The following CLVS1 variants were observed in gnomAD, a reference collection of about 807,000 sequenced individuals.
The protein encoded by CLVS1 is clavesin-1.
In CLVS1, 10 loss-of-function variants were observed where a neutral mutation model predicts 33.1. The observed-to-expected ratio is 0.30, with a 90% CI of 0.19 to 0.51. The LOEUF is 0.51. Among genes scored for constraint, CLVS1 ranks in the 20% least tolerant of loss-of-function variants. CLVS1 has a pLI of 0.97. For missense variants in CLVS1, 343 were observed against 433.4 expected (o/e 0.79, Z 1.85); for synonymous variants, 163 against 166.1 (o/e 0.98, Z 0.14).
At chr8:61,358,984 T>C (rs1182010093) in intron 2 of CLVS1, among the ~76,000 whole-genome samples, 1 of 152,258 alleles carries the variant, frequency 6.6e-6, no homozygotes, top group Non-Finnish European at 1.5e-5. Flanking sequence ...TAATTTAAAG[T>C]TTAATCCATT....
At chr8:61,185,306 T>G (rs1388123575) in intron 2 of CLVS1, among the ~76,000 whole-genome samples, 1 of 78,062 alleles carries the variant, frequency 1.3e-5, no homozygotes, top group Non-Finnish European at 3.2e-5. Flanking sequence ...CATGCCCGGC[T>G]AATTTTTTTT....
chr8:61,383,667 A>G (rs1813972811), intron 3 of CLVS1, among the ~76,000 whole-genome samples: 1 of 152,220 alleles, frequency 6.6e-6, no homozygotes, highest in African/African-American at 2.4e-5. Flanking sequence ...GTATCAATTA[A>G]ACTCAGGAAG....
intron 5 of CLVS1, chr8:61,464,793 T>A (rs939330995): frequency 1.3e-5 from 2 of 152,270 alleles, no homozygotes; most frequent in Admixed American, 6.5e-5. Flanking sequence ...CTTGAACGCT[T>A]GTCCGGAGAT....
At chr8:61,449,490 G>A (rs2129606821) in intron 3 of CLVS1, among the ~76,000 whole-genome samples, 1 of 152,270 alleles carries the variant, frequency 6.6e-6, no homozygotes, top group East Asian at 1.9e-4. Flanking sequence ...TTACAGCCTT[G>A]CTAGGGTGAA....
the CLVS1 span, among the ~76,000 whole-genome samples, chr8:61,033,017 G>GAA: frequency 1.8e-3 from 195 of 107,478 alleles, 2 homozygotes; most frequent in African/African-American, 6.5e-3. Context: ...AAGAAAGAAA[G>GAA]AAAGAAAGAA....
intron 2 of CLVS1, among the ~76,000 whole-genome samples, chr8:61,176,040 T>C (rs1382594666): frequency 6.6e-6 from 1 of 152,224 alleles, no homozygotes; most frequent in African/African-American, 2.4e-5. Context: ...ATAGTTCCTT[T>C]ACAGAGTTAA....
intron 2 of CLVS1, among the ~76,000 whole-genome samples, chr8:61,242,990 A>G (rs1478751987): frequency 6.7e-6 from 1 of 149,902 alleles, no homozygotes; most frequent in Non-Finnish European, 1.5e-5. Flanking sequence ...TCCTTTAACA[A>G]TAGGCTTCAT....
At chr8:61,316,970 G>A (rs1413536693) in intron 2 of CLVS1, among the ~76,000 whole-genome samples, 1 of 151,960 alleles carries the variant, frequency 6.6e-6, no homozygotes, top group Admixed American at 6.6e-5. Context: ...AAAATGTTTG[G>A]CCCCTTATTA....
At chr8:61,234,953 C>T (rs1808524792) in intron 2 of CLVS1, among the ~76,000 whole-genome samples, 1 of 152,144 alleles carries the variant, frequency 6.6e-6, no homozygotes, top group Non-Finnish European at 1.5e-5. Context: ...TTGTATGGGA[C>T]ATACAGTTCT....
chr8:61,193,867 A>T (rs1330074731), intron 2 of CLVS1, among the ~76,000 whole-genome samples: 1 of 152,112 alleles, frequency 6.6e-6, no homozygotes, highest in African/African-American at 2.4e-5. Flanking sequence ...TGTGCTAAAC[A>T]ATAGTATTAA....
chr8:61,201,352 A>G (rs779035461), intron 2 of CLVS1, among the ~76,000 whole-genome samples: 6 of 152,188 alleles, frequency 3.9e-5, no homozygotes, highest in East Asian at 1.9e-4. Flanking sequence ...GTTAGTATGA[A>G]GAAGGGGAAA....
intron 2 of CLVS1, among the ~76,000 whole-genome samples, chr8:61,252,393 G>A (rs1414097762): frequency 2.6e-5 from 4 of 152,124 alleles, no homozygotes; most frequent in Admixed American, 2.6e-4. Context: ...TGTATATTCT[G>A]TTGATTTGGG....
At chr8:60,987,281 A>G in the CLVS1 span, among the ~76,000 whole-genome samples, 4 of 152,234 alleles carry the variant, frequency 2.6e-5, no homozygotes, top group African/African-American at 9.6e-5. Context: ...GATGTCTAAA[A>G]TAAATCTTGA....
intron 2 of CLVS1, among the ~76,000 whole-genome samples, chr8:61,273,741 G>A (rs374586760): frequency 3.5e-4 from 54 of 152,358 alleles, no homozygotes; most frequent in African/African-American, 1.3e-3. Context: ...TCGGGTGGGA[G>A]TGACCCGATT....
At chr8:61,323,443 T>C (rs1435373627) in intron 2 of CLVS1, among the ~76,000 whole-genome samples, 1 of 152,174 alleles carries the variant, frequency 6.6e-6, no homozygotes, top group African/African-American at 2.4e-5. Context: ...GAGGAACATG[T>C]AGGTTGAAAG....
chr8:61,159,020 C>T (rs1250255698), intron 2 of CLVS1, among the ~76,000 whole-genome samples: 1 of 152,026 alleles, frequency 6.6e-6, no homozygotes, highest in African/African-American at 2.4e-5. Flanking sequence ...AGGCATGAGC[C>T]ACCATGCTAT....
chr8:61,134,375 TCTGACCCGTCAC>T (rs1806154045), intron 2 of CLVS1, among the ~76,000 whole-genome samples: 1 of 152,202 alleles, frequency 6.6e-6, no homozygotes, highest in African/African-American at 2.4e-5. Flanking sequence ...AATGGCCAGA[TCTGACCCGTCAC>T]CTGTTTTTGT....
chr8:61,423,768 T>C (rs1815773576), intron 3 of CLVS1, among the ~76,000 whole-genome samples: 1 of 152,192 alleles, frequency 6.6e-6, no homozygotes, highest in Non-Finnish European at 1.5e-5. Flanking sequence ...AGTCTACTTA[T>C]TGGCCACCAA....
At chr8:61,420,794 C>T (rs184799769) in intron 3 of CLVS1, among the ~76,000 whole-genome samples, 19 of 151,938 alleles carry the variant, frequency 1.3e-4, no homozygotes, top group African/African-American at 4.1e-4. Context: ...CATGGTGAAA[C>T]GCCATCTCTA....
Sources: gnomAD v4.1 joint callset for allele counts (sites outside exome capture counted in the v4.1 genomes callset) on GRCh38, gnomAD v4.1.1 for gene constraint, MANE v1.5 for transcripts, NCBI Gene and HGNC (gene_info 2026-07-23, HGNC 2026-07-21) for gene names.